Variants in CNTN5 observed in about 807,000 individuals in gnomAD.
CNTN5 encodes the protein contactin 5, also known as contactin-5.
Under a neutral mutation model 129.1 loss-of-function variants are expected in CNTN5, and 77 were observed. The observed-to-expected ratio is 0.60, with a 90% CI of 0.50 to 0.72. CNTN5 has a LOEUF of 0.72. Ranked by LOEUF, CNTN5 falls within the 30% of genes least tolerant of loss-of-function variation. The pLI is 0.00. For synonymous variants in CNTN5, 509 were observed against 465.6 expected, an observed-to-expected ratio of 1.09 and a Z score of -1.20; for missense variants, 1,478 against 1,328.8, an observed-to-expected ratio of 1.11 and a Z score of -1.75.
At chr11:99,690,821 T>C (rs1342170751) in intron 3 of CNTN5, among the ~76,000 whole-genome samples, 1 of 151,754 alleles carries the variant, frequency 6.6e-6, no homozygotes, top group Non-Finnish European at 1.5e-5. Flanking sequence ...TTGGAATAGT[T>C]TCAGTAGAAA....
Position 99,983,598 on chromosome 11 carries a change from G to T in CNTN5, c.878-18436G>T, listed in dbSNP as rs562613797. ...CTCTAGTAGTAGTAGGAGGAGAACA[G>T]ATGAACAGATTAAAGGGTTGATCTA... On this transcript the variant is annotated intron_variant, in intron 8 of 24. Coordinates refer to ENST00000524871, the MANE Select transcript of CNTN5 (RefSeq NM_014361.4). Among the ~76,000 whole-genome samples, 6 of 152,324 alleles carry T rather than the reference G, an allele frequency of 3.9e-5. No individual in the cohort carries two copies. The South Asian group carries it at 6.2e-4, about 16-fold the overall frequency.
At chr11:100,107,465 C>T (rs1381261434) in intron 13 of CNTN5, among the ~76,000 whole-genome samples, 1 of 150,788 alleles carries the variant, frequency 6.6e-6, no homozygotes, top group Non-Finnish European at 1.5e-5. Context: ...AGGCTTATTT[C>T]CAGATGCTGC....
chr11:99,641,335 G>A (rs1951762067), intron 3 of CNTN5, among the ~76,000 whole-genome samples: 1 of 152,156 alleles, frequency 6.6e-6, no homozygotes, highest in Admixed American at 6.5e-5. Context: ...TAATAATAAT[G>A]AAACAATAGG....
chr11:99,806,065 C>A (rs547010150), intron 3 of CNTN5, among the ~76,000 whole-genome samples: 1 of 152,186 alleles, frequency 6.6e-6, no homozygotes, highest in Non-Finnish European at 1.5e-5. Flanking sequence ...CATAGAGCCA[C>A]ATTAGCCTTG....
chr11:100,028,667 T>A (rs1231901778), intron 9 of CNTN5, among the ~76,000 whole-genome samples: 1 of 152,184 alleles, frequency 6.6e-6, no homozygotes, highest in Non-Finnish European at 1.5e-5. Flanking sequence ...CCCTTCAGCT[T>A]TTCATGGTGT....
intron 3 of CNTN5, among the ~76,000 whole-genome samples, chr11:99,718,674 C>G (rs1249396095): frequency 6.6e-6 from 1 of 152,056 alleles, no homozygotes; most frequent in Admixed American, 6.6e-5. Context: ...TAATCTATAG[C>G]ATCAAATGCT....
At chr11:99,063,865 C>T (rs1864989181) in intron 1 of CNTN5, among the ~76,000 whole-genome samples, 1 of 152,020 alleles carries the variant, frequency 6.6e-6, no homozygotes, top group Admixed American at 6.6e-5. Flanking sequence ...AGAAAGTAAC[C>T]TCTACTGGCA....
chr11:99,966,555 C>G (rs80008384), intron 8 of CNTN5, among the ~76,000 whole-genome samples: 1 of 152,178 alleles, frequency 6.6e-6, no homozygotes, highest in Non-Finnish European at 1.5e-5. Flanking sequence ...TCTCTTAGCA[C>G]TTAACTCTCT....
At chr11:99,225,840 T>A (rs1465298609) in intron 1 of CNTN5, among the ~76,000 whole-genome samples, 1 of 152,326 alleles carries the variant, frequency 6.6e-6, no homozygotes, top group Middle Eastern at 3.4e-3. Flanking sequence ...TTTTATTTCA[T>A]AACACATATT....
chr11:99,644,788 T>C (rs904563942), intron 3 of CNTN5, among the ~76,000 whole-genome samples: 2 of 152,166 alleles, frequency 1.3e-5, no homozygotes, highest in African/African-American at 4.8e-5. Context: ...GTTGTTTTTA[T>C]TCTGATACTC....
At chr11:99,496,853 AC>A (rs1164820098) in intron 2 of CNTN5, among the ~76,000 whole-genome samples, 7 of 152,220 alleles carry the variant, frequency 4.6e-5, no homozygotes, top group Admixed American at 4.6e-4. Context: ...TGTAAAGTCA[AC>A]CCTAAATGTA....
At chr11:100,221,466 G>A (rs966983730) in intron 15 of CNTN5, among the ~76,000 whole-genome samples, 3 of 152,180 alleles carry the variant, frequency 2.0e-5, no homozygotes, top group Admixed American at 6.5e-5. Flanking sequence ...GTCAAAATGC[G>A]AGCTAAGAAA....
intron 1 of CNTN5, among the ~76,000 whole-genome samples, chr11:99,077,987 T>A (rs1865644633): frequency 6.6e-6 from 1 of 152,162 alleles, no homozygotes; most frequent in South Asian, 2.1e-4. Context: ...TTAAGCTTTC[T>A]TTTTCTCTTC....
intron 2 of CNTN5, among the ~76,000 whole-genome samples, chr11:99,421,178 TA>T (rs998928166): frequency 1.4e-4 from 20 of 142,248 alleles, no homozygotes; most frequent in African/African-American, 5.9e-4. Flanking sequence ...ATAGAGTACC[TA>T]CTGTGTGCTA....
chr11:99,999,516 G>A (rs1317227336), intron 8 of CNTN5, among the ~76,000 whole-genome samples: 17 of 152,298 alleles, frequency 1.1e-4, no homozygotes, highest in Non-Finnish European at 1.3e-4. Flanking sequence ...AACAGGTGCT[G>A]GAGAGGATGT....
At chr11:99,940,555 A>T (rs528626415) in intron 7 of CNTN5, among the ~76,000 whole-genome samples, 23 of 152,288 alleles carry the variant, frequency 1.5e-4, no homozygotes, top group African/African-American at 5.3e-4. Context: ...CAACGACATC[A>T]ACATTATTAG....
chr11:99,625,858 G>T (rs1220447559), intron 3 of CNTN5, among the ~76,000 whole-genome samples: 1 of 151,008 alleles, frequency 6.6e-6, no homozygotes, highest in African/African-American at 2.4e-5. Flanking sequence ...AGTGAAATAT[G>T]ATCTTTATGT....
chr11:99,495,580 A>G (rs536310041), intron 2 of CNTN5, among the ~76,000 whole-genome samples: 1 of 152,314 alleles, frequency 6.6e-6, no homozygotes, highest in South Asian at 2.1e-4. Flanking sequence ...GAGAAAATAT[A>G]TACCAAAGTC....
At chr11:99,457,435 A>G (rs1944537096) in intron 2 of CNTN5, among the ~76,000 whole-genome samples, 1 of 151,840 alleles carries the variant, frequency 6.6e-6, no homozygotes, top group Non-Finnish European at 1.5e-5. Flanking sequence ...GAGCAGTTTT[A>G]AAAAAAGAAA....
Sources: gnomAD v4.1 joint callset for allele counts (sites outside exome capture counted in the v4.1 genomes callset) on GRCh38, gnomAD v4.1.1 for gene constraint, MANE v1.5 for transcripts, NCBI Gene and HGNC (gene_info 2026-07-23, HGNC 2026-07-21) for gene names.